PDE11A: variants seen among roughly 807,000 people sequenced by gnomAD.
PDE11A encodes the protein phosphodiesterase 11A, also known as dual 3',5'-cyclic-AMP and -GMP phosphodiesterase 11A.
Under a neutral mutation model 100.5 loss-of-function variants are expected in PDE11A, and 100 were observed. That is an observed-to-expected ratio of 1.00 (90% CI 0.85 to 1.18). The LOEUF (loss-of-function observed/expected upper bound fraction) is 1.18. Among genes scored for constraint, PDE11A ranks in the 50% most tolerant of loss-of-function variants. The probability of loss-of-function intolerance (pLI) is 0.00; values close to 1 mark genes in which losing one functional copy is unlikely to be tolerated. For synonymous variants in PDE11A, 381 were observed against 420.8 expected, an observed-to-expected ratio of 0.91 and a Z score of 1.16; for missense variants, 1,141 against 1,152.6, an observed-to-expected ratio of 0.99 and a Z score of 0.15.
At chr2:177,948,712 T>G (rs2085472747) in intron 2 of PDE11A, among the ~76,000 whole-genome samples, 1 of 152,190 alleles carries the variant, frequency 6.6e-6, no homozygotes, top group South Asian at 2.1e-4. Context: ...AGAATCAGCC[T>G]GGGCAACACA....
intron 19 of PDE11A, among the ~76,000 whole-genome samples, chr2:177,659,262 A>AG (rs1491508044): frequency 2.0e-3 from 37 of 18,324 alleles, no homozygotes; most frequent in South Asian, 9.6e-3. Flanking sequence ...ATTCTATCTC[A>AG]GGGGGAAAAA....
chr2:177,997,123 G>T (rs185533540), intron 2 of PDE11A: 131 of 882,516 alleles, frequency 1.5e-4, no homozygotes, highest in Middle Eastern at 1.3e-3. Context: ...GGACACCCCC[G>T]GAAATCCAAT....
At chr2:178,068,582 T>C (rs1220591616) in intron 1 of PDE11A, among the ~76,000 whole-genome samples, 2 of 152,038 alleles carry the variant, frequency 1.3e-5, no homozygotes, top group African/African-American at 4.8e-5. Flanking sequence ...AAGAAACACC[T>C]TAAAAATATA....
In PDE11A at chr2:177,957,086, A is replaced by C. The variant is rs888433812; in HGVS notation, c.1072-51899T>G. Among the ~76,000 whole-genome samples, 7 of 152,030 alleles carry C rather than the reference A, an allele frequency of 4.6e-5. No homozygotes were observed. The South Asian group carries it at 1.5e-3, about 32-fold the overall frequency. ...ATAAAAAAAAAGAAAAGAGCAAAAAAACAAAAAAAAACAAACAAGGGGCTG... is the reference window on the plus strand; with the variant it reads ...ATAAAAAAAAAGAAAAGAGCAAAAACACAAAAAAAAACAAACAAGGGGCTG... On this transcript the variant is annotated intron_variant, in intron 2 of 19. Coordinates refer to ENST00000286063, the MANE Select transcript of PDE11A (RefSeq NM_016953.4).
intron 16 of PDE11A, among the ~76,000 whole-genome samples, chr2:177,676,553 C>T (rs1013188538): frequency 6.6e-6 from 1 of 150,948 alleles, no homozygotes. Context: ...CAGGAAACCC[C>T]TCCAGGGAAC....
In PDE11A at chr2:177,849,442, G is replaced by A. The variant is rs1023565141; in HGVS notation, c.1368-9059C>T. 8.6e-5 allele frequency among the ~76,000 whole-genome samples: 13 copies of A among 152,026 alleles called. No individual in the cohort carries two copies. In the East Asian group the frequency reaches 1.9e-3, roughly 23 times the overall value. ...TAAAAAGTGTGGGGTTTTCTCCATC[G>A]TCTCAGCCCAAAATCTCCTTAAGCT... is the stretch of plus-strand genomic sequence containing the variant. On this transcript the variant is annotated intron_variant, in intron 5 of 19. Transcript: ENST00000286063.
At chr2:177,844,854 G>T (rs2083554889) in intron 5 of PDE11A, among the ~76,000 whole-genome samples, 1 of 151,868 alleles carries the variant, frequency 6.6e-6, no homozygotes, top group African/African-American at 2.4e-5. Flanking sequence ...CAGGGTTGGG[G>T]GCAAGGTCAC....
At chr2:177,859,241 A>G (rs1402571844) in intron 5 of PDE11A, among the ~76,000 whole-genome samples, 2 of 151,944 alleles carry the variant, frequency 1.3e-5, no homozygotes, top group Non-Finnish European at 2.9e-5. Flanking sequence ...AAAGTATAAT[A>G]AAAAAATAAA....
intron 2 of PDE11A, among the ~76,000 whole-genome samples, chr2:177,932,833 A>G (rs1346699790): frequency 1.2e-5 from 1 of 85,872 alleles, no homozygotes; most frequent in African/African-American, 4.8e-5. Flanking sequence ...GGCAAGAGTT[A>G]AAAAAAAAAA....
intron 2 of PDE11A, among the ~76,000 whole-genome samples, chr2:178,096,626 G>C (rs1360503914): frequency 6.6e-6 from 1 of 152,208 alleles, no homozygotes; most frequent in Non-Finnish European, 1.5e-5. Flanking sequence ...CTCTAGGACA[G>C]GGGCAAAATG....
intron 9 of PDE11A, among the ~76,000 whole-genome samples, chr2:177,781,425 CA>C (rs1331724162): frequency 6.6e-6 from 1 of 152,020 alleles, no homozygotes; most frequent in Non-Finnish European, 1.5e-5. Context: ...CACACTGCTG[CA>C]AAAATGGTGC....
intron 12 of PDE11A, among the ~76,000 whole-genome samples, chr2:177,717,143 C>G (rs1489607690): frequency 6.6e-6 from 1 of 152,168 alleles, no homozygotes; most frequent in Non-Finnish European, 1.5e-5. Context: ...CACCCACACA[C>G]AGTCACACAA....
intron 6 of PDE11A, among the ~76,000 whole-genome samples, chr2:177,836,812 T>C (rs890785133): frequency 2.6e-5 from 4 of 152,058 alleles, no homozygotes; most frequent in African/African-American, 7.3e-5. Context: ...CCTGAAGAGC[T>C]GTAACACTCA....
intron 5 of PDE11A, among the ~76,000 whole-genome samples, chr2:177,841,408 T>A (rs1457690143): frequency 2.0e-5 from 3 of 152,240 alleles, no homozygotes. Context: ...ACCCTGGATT[T>A]CATGAGATGT....
At chr2:178,014,846 G>C (rs1252505776) in intron 1 of PDE11A, among the ~76,000 whole-genome samples, 1 of 150,242 alleles carries the variant, frequency 6.7e-6, no homozygotes. Flanking sequence ...GTTCAATATA[G>C]AGCTACTTTA....
intron 19 of PDE11A, among the ~76,000 whole-genome samples, chr2:177,662,842 G>A (rs2080503391): frequency 1.0e-4 from 1 of 9,616 alleles, no homozygotes; most frequent in African/African-American, 1.7e-4. Context: ...TTCTAAGTTT[G>A]TTTGTTTTCA....
intron 1 of PDE11A, among the ~76,000 whole-genome samples, chr2:178,030,160 G>C (rs1275764040): frequency 3.3e-5 from 5 of 151,676 alleles, no homozygotes; most frequent in Admixed American, 6.6e-5. Context: ...ATAATCAGGA[G>C]AGAAAAAAAA....
intron 9 of PDE11A, among the ~76,000 whole-genome samples, chr2:177,803,141 AAT>A (rs1218335993): frequency 2.0e-5 from 3 of 151,930 alleles, no homozygotes; most frequent in African/African-American, 7.2e-5. Context: ...ATATAGTCCA[AAT>A]AGTAAAATTC....
rs1040581185 is a variant in PDE11A, at chr2:178,037,927, G to C, written c.913-23467C>G. Among the ~76,000 whole-genome samples, 51 of 151,856 alleles carry C rather than the reference G, an allele frequency of 3.4e-4. 1 individual carries two copies. The highest frequency in any genetic ancestry group is 3.3e-3 in the Admixed American group (51 of 15,234). On this transcript the variant is annotated intron_variant, in intron 1 of 19. Coordinates refer to ENST00000286063, the MANE Select transcript of PDE11A (RefSeq NM_016953.4). ...AGGACAAATATCTAATGCATGGGGG[G>C]CTTAAAAGCTAGATGACGGGTTGAT...
Sources: allele counts gnomAD v4.1 joint callset (sites outside exome capture counted in the v4.1 genomes callset), GRCh38; gene constraint gnomAD v4.1.1; transcripts MANE v1.5; gene names NCBI Gene and HGNC (gene_info 2026-07-23, HGNC 2026-07-21).